The following ASAH2B variants were observed in gnomAD, a reference collection of about 807,000 sequenced individuals.
ASAH2B encodes the protein putative inactive neutral ceramidase B.
A neutral mutation model predicts 2.9 loss-of-function variants in ASAH2B; 1 was observed. The observed-to-expected ratio is 0.34, with a 90% CI of 0.12 to 1.63. ASAH2B has a LOEUF of 1.63. Ranked by LOEUF, ASAH2B falls within the 40% of genes most tolerant of loss-of-function variation. The pLI is 0.36. For synonymous variants in ASAH2B, 4 were observed against 13.3 expected (o/e 0.30, Z 1.52); for missense variants, 9 against 37.7 (o/e 0.24, Z 1.99).
chr10:50,741,948 C>A (rs1365136849), intron 1 of ASAH2B, among the ~76,000 whole-genome samples: 1 of 152,100 alleles, frequency 6.6e-6, no homozygotes, highest in Non-Finnish European at 1.5e-5. Flanking sequence ...AAGATCTGGG[C>A]AAGACATGGA....
intron 2 of ASAH2B, among the ~76,000 whole-genome samples, 159 bp from the exon 3 acceptor site, chr10:50,744,968 CA>C (rs1839885890): frequency 1.4e-5 from 2 of 145,638 alleles, no homozygotes; most frequent in Non-Finnish European, 3.0e-5. Flanking sequence ...TCATGCTTAG[CA>C]AGGCTACCTT....
intron 2 of ASAH2B, among the ~76,000 whole-genome samples, 189 bp downstream of exon 2, chr10:50,743,199 C>A (rs944388106): frequency 1.6e-4 from 24 of 152,056 alleles, no homozygotes; most frequent in African/African-American, 3.1e-4. Context: ...ATTTCTTTCC[C>A]AATTTTGGAT....
At chr10:50,747,086 C>T (rs1839918788) in intron 3 of ASAH2B, among the ~76,000 whole-genome samples, 1 of 149,954 alleles carries the variant, frequency 6.7e-6, no homozygotes, top group Non-Finnish European at 1.5e-5. Context: ...ATCACCTACA[C>T]CAACATCATG....
intron 1 of ASAH2B, 104 bp from the exon 2 acceptor site, chr10:50,742,811 A>T: frequency 8.8e-7 from 1 of 1,142,066 alleles, no homozygotes; most frequent in Non-Finnish European, 1.3e-6. Flanking sequence ...GCCAGTTTTG[A>T]ATAATGTGAG....
chr10:50,756,414 T>G lies in ASAH2B; in HGVS notation c.*1674T>G, dbSNP rs944653996. ...TCTTTTTTCTGATGACGCCACAGTC[T>G]TCAGTGTAAAAGTTCAGAAGCCTAA... On this transcript the variant is annotated 3_prime_UTR_variant, in exon 6 of 6. Transcript: ENST00000647317. 3 of 151,890 alleles carry G rather than the reference T, an allele frequency of 2.0e-5. No homozygotes were observed. Among genetic ancestry groups the G allele is most frequent in the Non-Finnish European group, 4.4e-5 (3 of 67,842 alleles). The allele number at this position is 151,890 out of a possible 1,614,324, so 9.4% of individuals were successfully genotyped here.
chr10:50,740,649 C>G (rs1839816345), intron 1 of ASAH2B, among the ~76,000 whole-genome samples: 1 of 152,152 alleles, frequency 6.6e-6, no homozygotes, highest in Non-Finnish European at 1.5e-5. Flanking sequence ...CATAGATAGA[C>G]CAAACATTTA....
intron 2 of ASAH2B, chr10:50,744,877 T>C (rs1839884434): frequency 5.8e-6 from 3 of 517,930 alleles, no homozygotes; most frequent in South Asian, 2.1e-5. Flanking sequence ...ACTGTCCTTA[T>C]GTTGTCTAGG....
chr10:50,756,776 A>G lies in ASAH2B; in HGVS notation c.*2036A>G, dbSNP rs898679006. The G allele has an allele frequency of 2.6e-5, 4 of 151,810 alleles. No homozygotes were observed. Among genetic ancestry groups the G allele is most frequent in the African/African-American group, 9.7e-5 (4 of 41,410 alleles). 9.4% of individuals were successfully genotyped at this position (151,810 alleles called of 1,614,324 possible). A position where few individuals can be genotyped will look rare whatever the true frequency, so the allele number is the denominator to read the frequency against. ...ACAGTTCATGTGTAAAAATAAAACCAAATTCCTGGATTATCAATATCAGTT... is the reference window on the plus strand; with the variant it reads ...ACAGTTCATGTGTAAAAATAAAACCGAATTCCTGGATTATCAATATCAGTT... On this transcript the variant is annotated 3_prime_UTR_variant, in exon 6 of 6. Transcript: ENST00000647317.
At chr10:50,742,841 C>G in intron 1 of ASAH2B, 74 bp from the exon 2 acceptor site, 3 of 1,474,278 alleles carry the variant, frequency 2.0e-6, no homozygotes, top group Non-Finnish European at 2.8e-6. Context: ...ATCACACTTA[C>G]CTAAAATGCT....
At chr10:50,740,607 A>G (rs1422791206) in intron 1 of ASAH2B, among the ~76,000 whole-genome samples, 1 of 152,194 alleles carries the variant, frequency 6.6e-6, no homozygotes, top group Non-Finnish European at 1.5e-5. Context: ...GATCATAGCT[A>G]TATCCATTCA....
intron 3 of ASAH2B, among the ~76,000 whole-genome samples, chr10:50,747,913 A>G (rs1023906650): frequency 6.7e-6 from 1 of 150,128 alleles, no homozygotes; most frequent in East Asian, 2.0e-4. Flanking sequence ...GAGTTGGGAA[A>G]TGTTTTCTCT....
In ASAH2B at chr10:50,757,346, C is replaced by G. The variant is rs1047188463; in HGVS notation, c.*2606C>G. The G allele has an allele frequency of 1.3e-5, 2 of 151,786 alleles. No homozygotes were observed. Among genetic ancestry groups the G allele is most frequent in the Non-Finnish European group, 3.0e-5 (2 of 67,788 alleles). The allele number at this position is 151,786 out of a possible 1,614,324, so 9.4% of individuals were successfully genotyped here. A position where few individuals can be genotyped will look rare whatever the true frequency, so the allele number is the denominator to read the frequency against. On this transcript the variant is annotated 3_prime_UTR_variant, in exon 6 of 6. Coordinates refer to ENST00000647317, the MANE Select transcript of ASAH2B (RefSeq NM_001321958.2). Reference sequence around the variant, plus strand: ...CAAGGGAACCACTTCTTTATCAGTTCCTTTCTAACTTCTGAAGATGTACTG... The same window carrying G: ...CAAGGGAACCACTTCTTTATCAGTTGCTTTCTAACTTCTGAAGATGTACTG...
At position 50,756,411 on chromosome 10, in the gene ASAH2B, G is replaced by A. The variant is rs1422908643; in HGVS notation, c.*1671G>A. The A allele has an allele frequency of 1.3e-5, 2 of 151,874 alleles. No individual in the cohort carries two copies. The highest frequency in any genetic ancestry group is 4.8e-5 in the African/African-American group (2 of 41,422). 9.4% of individuals were successfully genotyped at this position (151,874 alleles called of 1,614,324 possible). A position where few individuals can be genotyped will look rare whatever the true frequency, so the allele number is the denominator to read the frequency against. On this transcript the variant is annotated 3_prime_UTR_variant, in exon 6 of 6. Coordinates refer to ENST00000647317, the MANE Select transcript of ASAH2B (RefSeq NM_001321958.2). ...TGATCTTTTTTCTGATGACGCCACA[G>A]TCTTCAGTGTAAAAGTTCAGAAGCC...
At chr10:50,740,398 C>T (rs188043428) in intron 1 of ASAH2B, among the ~76,000 whole-genome samples, 2 of 152,274 alleles carry the variant, frequency 1.3e-5, no homozygotes, top group East Asian at 3.9e-4. Flanking sequence ...TCAAAGCGTT[C>T]CTAGTGCCCA....
At chr10:50,743,323 A>T (rs1401832664) in intron 2 of ASAH2B, among the ~76,000 whole-genome samples, 4 of 151,458 alleles carry the variant, frequency 2.6e-5, no homozygotes, top group Non-Finnish European at 5.9e-5. Flanking sequence ...TCAGAGGAGC[A>T]CATAGGCTTG....
At chr10:50,740,260 C>A (rs1839808694) in intron 1 of ASAH2B, among the ~76,000 whole-genome samples, 1 of 151,984 alleles carries the variant, frequency 6.6e-6, no homozygotes, top group Admixed American at 6.6e-5. Context: ...GGACCTGAGC[C>A]GAATCTGTTG....
At chr10:50,740,975 G>A (rs1266037136) in intron 1 of ASAH2B, among the ~76,000 whole-genome samples, 1 of 152,094 alleles carries the variant, frequency 6.6e-6, no homozygotes, top group Non-Finnish European at 1.5e-5. Flanking sequence ...AAGTAATACT[G>A]CGATCCTATT....
intron 3 of ASAH2B, among the ~76,000 whole-genome samples, chr10:50,745,667 G>T (rs1839895072): frequency 6.7e-6 from 1 of 149,618 alleles, no homozygotes; most frequent in African/African-American, 2.5e-5. Context: ...TTTCTGGGGG[G>T]AGGAGGGATG....
At position 50,744,787 on chromosome 10, in the gene ASAH2B, T is replaced by C. The variant is rs1839883128; in HGVS notation, c.-3-341T>C. The C allele has an allele frequency of 1.1e-5, 3 of 284,510 alleles. No individual in the cohort carries two copies. In the Admixed American group the frequency reaches 1.4e-4, roughly 14 times the overall value. 17.6% of individuals were successfully genotyped at this position (284,510 alleles called of 1,614,324 possible). The stretch of plus-strand genomic sequence containing the variant: ...TAAAATAATAATTACACTGTCATGG[T>C]ATAATTATCTTTTTGCATGTTAGGC... On this transcript the variant is annotated intron_variant, in intron 2 of 5. Coordinates refer to ENST00000647317, the MANE Select transcript of ASAH2B (RefSeq NM_001321958.2).
Sources: gnomAD v4.1 joint callset for allele counts (sites outside exome capture counted in the v4.1 genomes callset) on GRCh38, gnomAD v4.1.1 for gene constraint, MANE v1.5 for transcripts, NCBI Gene and HGNC (gene_info 2026-07-23, HGNC 2026-07-21) for gene names.